Variants in C20orf203 observed in about 807,000 individuals in gnomAD.
C20orf203 encodes uncharacterized protein C20orf203.
A neutral mutation model predicts 15.9 loss-of-function variants in C20orf203; 16 were observed. The observed-to-expected ratio is 1.01, with a 90% CI of 0.68 to 1.53. The LOEUF (loss-of-function observed/expected upper bound fraction) is 1.53. Ranked by LOEUF, C20orf203 falls within the 40% of genes most tolerant of loss-of-function variation. The pLI is 0.00. For missense variants in C20orf203, 263 were observed against 247.5 expected, an observed-to-expected ratio of 1.06 and a Z score of -0.42; for synonymous variants, 98 against 97.2, an observed-to-expected ratio of 1.01 and a Z score of -0.05.
At chr20:32,634,666 C>G (rs1273375916) in intron 5 of C20orf203, among the ~76,000 whole-genome samples, 3 of 152,178 alleles carry the variant, frequency 2.0e-5, no homozygotes, top group African/African-American at 4.8e-5. Flanking sequence ...AAAGGGCCAC[C>G]ACCGGCTGGA....
chr20:32,669,853 T>A (rs758020666), intron 1 of C20orf203, among the ~76,000 whole-genome samples: 7 of 151,718 alleles, frequency 4.6e-5, no homozygotes, highest in Non-Finnish European at 1.0e-4. Context: ...GAAACAAGAG[T>A]GAAAGGCAAT....
intron 1 of C20orf203, among the ~76,000 whole-genome samples, chr20:32,653,615 G>C (rs1214545489): frequency 6.6e-6 from 1 of 152,154 alleles, no homozygotes; most frequent in African/African-American, 2.4e-5. Context: ...CATACTTCAT[G>C]GTGAGAGATT....
Position 32,634,211 on chromosome 20 carries a change from G to A in C20orf203, c.*1359C>T, listed in dbSNP as rs566934101. 15 of 398,476 alleles carry A rather than the reference G, an allele frequency of 3.8e-5. No homozygotes were observed. Among genetic ancestry groups the A allele is most frequent in the Non-Finnish European group, 6.2e-5 (14 of 226,120 alleles). 24.7% of individuals were successfully genotyped at this position (398,476 alleles called of 1,614,324 possible). On this transcript the variant is annotated 3_prime_UTR_variant, in exon 6 of 6. Coordinates refer to ENST00000608990, the MANE Select transcript of C20orf203 (RefSeq NM_182584.4). ...TGCTGGGGCTTGAGTTCAGGGGTTG[G>A]GGGGAGGTTCCTAGCCTGGGGGCTC... is the stretch of plus-strand genomic sequence containing the variant.
At chr20:32,646,108 G>A (rs920623365) in intron 4 of C20orf203, among the ~76,000 whole-genome samples, 6 of 151,646 alleles carry the variant, frequency 4.0e-5, no homozygotes, top group Non-Finnish European at 8.8e-5. Context: ...ATTTAAAACA[G>A]AGTGGGCCTT....
At chr20:32,647,890 C>A (rs1273248696) in intron 4 of C20orf203, among the ~76,000 whole-genome samples, 2 of 152,158 alleles carry the variant, frequency 1.3e-5, no homozygotes, top group Non-Finnish European at 2.9e-5. Context: ...GCGTCGCCTT[C>A]CCCCACCCTT....
chr20:32,673,373 G>A (rs1983221580), intron 1 of C20orf203, among the ~76,000 whole-genome samples: 2 of 152,116 alleles, frequency 1.3e-5, no homozygotes, highest in Admixed American at 6.6e-5. Flanking sequence ...CAGGGCGGAA[G>A]TGGCTGGCGC....
chr20:32,643,613 C>T lies in C20orf203; in HGVS notation c.*1178-2926G>A, dbSNP rs924825592. Among the ~76,000 whole-genome samples, 3 of 146,154 alleles carry T rather than the reference C, an allele frequency of 2.1e-5. No individual in the cohort carries two copies. The Admixed American group carries it at 2.1e-4, about 10-fold the overall frequency. On this transcript the variant is annotated intron_variant, in intron 4 of 5. Transcript: ENST00000608990. ...GCCTGGGTGCTAGTGTAGACCCAGCCGCTTCCTGGAACCACACACACACAC... is the reference window on the plus strand; with the variant it reads ...GCCTGGGTGCTAGTGTAGACCCAGCTGCTTCCTGGAACCACACACACACAC...
intron 4 of C20orf203, among the ~76,000 whole-genome samples, chr20:32,641,979 A>C (rs556479491): frequency 6.6e-6 from 1 of 152,102 alleles, no homozygotes; most frequent in African/African-American, 2.4e-5. Context: ...TTGGGACTAC[A>C]GGCACCAGGC....
At chr20:32,666,836 G>GTTTTGT (rs1555818300) in intron 1 of C20orf203, among the ~76,000 whole-genome samples, 1 of 84,144 alleles carries the variant, frequency 1.2e-5, no homozygotes, top group Non-Finnish European at 2.7e-5. Flanking sequence ...GTTTTGTTTT[G>GTTTTGT]TTTTTTAGAG....
At chr20:32,637,701 G>A (rs193058019) in intron 5 of C20orf203, among the ~76,000 whole-genome samples, 1 of 152,278 alleles carries the variant, frequency 6.6e-6, no homozygotes, top group Admixed American at 6.5e-5. Flanking sequence ...TGATCACTGA[G>A]GTATTTCTGA....
intron 4 of C20orf203, among the ~76,000 whole-genome samples, chr20:32,647,691 C>T (rs1600930359): frequency 6.6e-6 from 1 of 152,232 alleles, no homozygotes; most frequent in East Asian, 1.9e-4. Context: ...GGTGACAGAG[C>T]AAGACCCTAT....
chr20:32,643,687 G>A (rs1310062246), intron 4 of C20orf203, among the ~76,000 whole-genome samples: 1 of 150,256 alleles, frequency 6.7e-6, no homozygotes, highest in East Asian at 2.0e-4. Context: ...AAGTTTCTGC[G>A]AAACCCTGCA....
chr20:32,662,474 A>C (rs1982914008), intron 1 of C20orf203, among the ~76,000 whole-genome samples: 1 of 152,054 alleles, frequency 6.6e-6, no homozygotes, highest in Non-Finnish European at 1.5e-5. Context: ...GGTGGCAGGC[A>C]CCTGTAATCT....
At chr20:32,635,175 T>A (rs1009514465) in intron 5 of C20orf203, among the ~76,000 whole-genome samples, 2 of 150,256 alleles carry the variant, frequency 1.3e-5, no homozygotes, top group African/African-American at 4.9e-5. Context: ...GTCTGGGGAA[T>A]AGAGTGAGAC....
At chr20:32,648,884 G>A (rs1268704056) in intron 4 of C20orf203, among the ~76,000 whole-genome samples, 2 of 152,160 alleles carry the variant, frequency 1.3e-5, no homozygotes, top group African/African-American at 4.8e-5. Flanking sequence ...CATGGTAAGT[G>A]GTCAAAACCA....
Position 32,631,965 on chromosome 20 carries a change from C to T in C20orf203, c.*3605G>A, listed in dbSNP as rs1982006048. On this transcript the variant is annotated 3_prime_UTR_variant, in exon 6 of 6. Transcript: ENST00000608990. ...AATCTGGAGGTATGTGACACCGGGA[C>T]ATTTACCCTGTGCGGTGGGCCCACC... The T allele has an allele frequency of 6.6e-6, 1 of 152,270 alleles. No individual in the cohort carries two copies. Among genetic ancestry groups the T allele is most frequent in the Non-Finnish European group, 1.5e-5 (1 of 68,104 alleles). The allele number at this position is 152,270 out of a possible 1,614,324, so 9.4% of individuals were successfully genotyped here. A position where few individuals can be genotyped will look rare whatever the true frequency, so the allele number is the denominator to read the frequency against.
intron 5 of C20orf203, among the ~76,000 whole-genome samples, chr20:32,635,984 C>T (rs1336737065): frequency 2.0e-5 from 3 of 152,160 alleles, no homozygotes; most frequent in South Asian, 2.1e-4. Context: ...TGACTCCTGC[C>T]GTTCCTGTCT....
intron 4 of C20orf203, among the ~76,000 whole-genome samples, chr20:32,648,603 G>T (rs1982504978): frequency 9.5e-6 from 1 of 105,338 alleles, no homozygotes; most frequent in Non-Finnish European, 2.0e-5. Context: ...GCCAAATCTG[G>T]CTAATTTTTT....
intron 1 of C20orf203, among the ~76,000 whole-genome samples, chr20:32,664,612 C>T (rs926018941): frequency 1.7e-4 from 26 of 152,346 alleles, no homozygotes; most frequent in Non-Finnish European, 3.2e-4. Context: ...CCTCTAGATG[C>T]AGCCACAGGC....
Sources: allele counts gnomAD v4.1 joint callset (sites outside exome capture counted in the v4.1 genomes callset), GRCh38; gene constraint gnomAD v4.1.1; transcripts MANE v1.5; gene names NCBI Gene and HGNC (gene_info 2026-07-23, HGNC 2026-07-21).